GMPR2: variants seen among roughly 807,000 people sequenced by gnomAD.
The protein encoded by GMPR2 is GMP reductase 2.
Under a neutral mutation model 38.5 loss-of-function variants are expected in GMPR2, and 32 were observed. The observed-to-expected ratio is 0.83, with a 90% CI of 0.63 to 1.12. GMPR2 has a LOEUF of 1.12. Ranked by LOEUF, GMPR2 falls within the 50% of genes most tolerant of loss-of-function variation. The probability of loss-of-function intolerance (pLI) is 0.00; values close to 1 mark genes in which losing one functional copy is unlikely to be tolerated. For synonymous variants in GMPR2, 154 were observed against 151.0 expected (o/e 1.02, Z -0.15); for missense variants, 396 against 432.1 (o/e 0.92, Z 0.74).
intron 3 of GMPR2, among the ~76,000 whole-genome samples, chr14:24,234,917 A>G (rs1426012307): frequency 6.6e-6 from 1 of 152,240 alleles, no homozygotes; most frequent in Non-Finnish European, 1.5e-5. Flanking sequence ...GTTGCTAGCT[A>G]ATACATGACT....
chr14:24,238,446 C>T (rs948345295), intron 9 of GMPR2, 41 bp downstream of exon 9: 1 of 1,613,926 alleles, frequency 6.2e-7, no homozygotes, highest in Non-Finnish European at 8.5e-7. Context: ...AGTATGGAGG[C>T]AGAACTCATG....
At chr14:24,234,628 C>T (rs994199631) in intron 3 of GMPR2, among the ~76,000 whole-genome samples, 2 of 152,076 alleles carry the variant, frequency 1.3e-5, no homozygotes, top group Admixed American at 6.6e-5. Context: ...GTATTGCTGA[C>T]GAGAGGTAAA....
chr14:24,235,667 A>G (rs1471934800), intron 3 of GMPR2, 70 bp from the exon 4 acceptor site: 5 of 999,630 alleles, frequency 5.0e-6, no homozygotes, highest in Non-Finnish European at 8.1e-6. Flanking sequence ...CAGATAGAAT[A>G]GGTCTGTTTC....
chr14:24,237,489 T>G, intron 7 of GMPR2, 31 bp from the exon 8 acceptor site: 1 of 1,610,178 alleles, frequency 6.2e-7, no homozygotes, highest in Non-Finnish European at 8.5e-7. Flanking sequence ...GGGAAATCCA[T>G]GTTGTATTCA....
intron 8 of GMPR2, 157 bp downstream of exon 8, chr14:24,237,719 C>G: frequency 4.4e-6 from 3 of 683,940 alleles, no homozygotes; most frequent in African/African-American, 3.6e-5. Context: ...CTGGGGCAGC[C>G]AGCAGGGGAC....
intron 3 of GMPR2, chr14:24,235,447 T>A (rs902704179): frequency 4.5e-6 from 2 of 446,220 alleles, no homozygotes; most frequent in African/African-American, 4.0e-5. Flanking sequence ...CACCAGCAGC[T>A]TGTCACCTTT....
rs1348644114 is a variant in GMPR2 at position 24,239,041 on chromosome 14, C to T, written c.*263C>T. On this transcript the variant is annotated 3_prime_UTR_variant, in exon 10 of 10. Transcript: ENST00000399440. ...CAAATGGGAATCTGGGGACCCAACA[C>T]AACATCCTGAAGATTATTAAAAGGA... The T allele has an allele frequency of 1.8e-6, 1 of 571,156 alleles. No homozygotes were observed. Among genetic ancestry groups the T allele is most frequent in the Non-Finnish European group, 3.3e-6 (1 of 301,966 alleles). The allele number at this position is 571,156 out of a possible 1,614,324, so 35.4% of individuals were successfully genotyped here. A position where few individuals can be genotyped will look rare whatever the true frequency, so the allele number is the denominator to read the frequency against.
chr14:24,236,602 C>T (rs764638022), intron 5 of GMPR2, among the ~76,000 whole-genome samples: 19 of 152,232 alleles, frequency 1.2e-4, no homozygotes, highest in Non-Finnish European at 2.5e-4. Context: ...ACTACCATGC[C>T]TTCTCCCTTT....
In GMPR2 at chr14:24,235,967, C is replaced by T; in HGVS notation, c.292C>T (p.His98Tyr). Residue 98 changes from histidine (H) to tyrosine (Y), a missense_variant and splice_region_variant, in exon 5 of 10, where the codon CAT (histidine) becomes TAT (tyrosine). Transcript: ENST00000399440. ...FAGQNPDCLE[H>Y]LAASSGTGSS... ...GCCAATGACTCTGTTTCTCCCACAG[C>T]ATCTGGCTGCCAGCTCAGGCACAGG... 1 of 1,613,750 alleles carries T rather than the reference C, an allele frequency of 6.2e-7. No individual in the cohort carries two copies. The highest frequency in any genetic ancestry group is 8.5e-7 in the Non-Finnish European group (1 of 1,179,696).
At position 24,237,233 on chromosome 14, in the gene GMPR2, T is replaced by C. The variant is rs376196927; in HGVS notation, c.548-12T>C. On this transcript the variant is annotated splice_polypyrimidine_tract_variant and intron_variant, in intron 6 of 9. Coordinates refer to ENST00000399440, the MANE Select transcript of GMPR2 (RefSeq NM_001002002.3). ...GAGCACGTCATTCTTACCCTTATCA[T>C]GTTCTTCCTAGGCTCTGTGTGTACT... The C allele has an allele frequency of 3.1e-6, 5 of 1,587,520 alleles. No homozygotes were observed. The highest frequency in any genetic ancestry group is 4.3e-6 in the Non-Finnish European group (5 of 1,155,692).
rs367939986 is a variant in GMPR2 at position 24,237,260 on chromosome 14, C to T, written c.563C>T (p.Thr188Ile). The change falls in exon 7 of 10, where the codon ACT becomes ATT. Residue 188 changes from threonine to isoleucine, a missense_variant. By Grantham distance (89) the Thr-to-Ile change is moderately conservative. Coordinates refer to ENST00000399440, the MANE Select transcript of GMPR2 (RefSeq NM_001002002.3). ...VGIGPGSVCT[T>I]RKKTGVGYPQ... ...TTCTTCCTAGGCTCTGTGTGTACTA[C>T]TCGGAAGAAAACTGGAGTGGGGTAT... 7.3e-5 allele frequency: 118 copies of T among 1,608,618 alleles called. No homozygotes were observed. The highest frequency in any genetic ancestry group is 9.5e-5 in the Non-Finnish European group (112 of 1,175,088).
chr14:24,237,297 C>T lies in GMPR2; in HGVS notation c.600C>T (p.Ser200=), dbSNP rs777436283. The T allele has an allele frequency of 7.1e-5, 114 of 1,611,834 alleles. No homozygotes were observed. The South Asian group carries it at 7.7e-4, about 11-fold the overall frequency. The change falls in exon 7 of 10, where the codon AGC becomes AGT. Residue 200 remains serine, a synonymous_variant. Transcript: ENST00000399440. ...CTGGAGTGGGGTATCCACAGCTCAG[C>T]GCAGTGATGGAGTGTGCAGATGCTG... The part of the protein sequence containing the change: ...KKTGVGYPQL[S]AVMECADAAH...
chr14:24,236,928 G>A (rs1594531871), intron 5 of GMPR2, 143 bp from the exon 6 acceptor site: 6 of 653,274 alleles, frequency 9.2e-6, no homozygotes, highest in Admixed American at 5.6e-5. Flanking sequence ...TAGTGTAAAA[G>A]CCCTCAGAGG....
Position 24,237,518 on chromosome 14 carries a change from A to C in GMPR2, c.655-2A>C. 3 of 1,613,920 alleles carry C rather than the reference A, an allele frequency of 1.9e-6. No homozygotes were observed. The highest frequency in any genetic ancestry group is 2.5e-6 in the Non-Finnish European group (3 of 1,179,882). On this transcript the variant is annotated splice_acceptor_variant, in intron 7 of 9. Coordinates refer to ENST00000399440, the MANE Select transcript of GMPR2 (RefSeq NM_001002002.3). LOFTEE classifies it high-confidence loss of function. ...GTATTCATAGTGCTCCTTACTTTGC[A>C]GGATGGAGGTTGCAGCTGTCCTGGG...
Position 24,238,818 on chromosome 14 carries a change from C to A in GMPR2, c.*40C>A. On this transcript the variant is annotated 3_prime_UTR_variant, in exon 10 of 10. Transcript: ENST00000399440. The stretch of plus-strand genomic sequence containing the variant: ...ACCCTCCCAAGGCACCAGTACTCTA[C>A]CATGGGGCATCCCAAGTGGGGTCCT... 3.8e-6 allele frequency: 6 copies of A among 1,571,294 alleles called. No homozygotes were observed. The highest frequency in any genetic ancestry group is 5.2e-6 in the Non-Finnish European group (6 of 1,149,156).
At position 24,238,373 on chromosome 14, in the gene GMPR2, GA is replaced by G. The variant is rs2040449697; in HGVS notation, c.827del (p.Lys276ArgfsTer34). Reference sequence around the variant, plus strand: ...ATGGAATGAGTTCTGAAATGGCCATGAAGAAGTATGCTGGGGGCGTGGCTGA... The same window carrying G: ...ATGGAATGAGTTCTGAAATGGCCATGAGAAGTATGCTGGGGGCGTGGCTGA... ...FYGMSSEMAM[K>X]KYAGGVAEYR... On this transcript the variant is annotated frameshift_variant, in exon 9 of 10. Coordinates refer to ENST00000399440, the MANE Select transcript of GMPR2 (RefSeq NM_001002002.3). LOFTEE classifies it high-confidence loss of function. The G allele has an allele frequency of 1.4e-5, 23 of 1,614,128 alleles. No homozygotes were observed. The highest frequency in any genetic ancestry group is 1.9e-5 in the Non-Finnish European group (22 of 1,180,014).
chr14:24,235,442 G>A, intron 3 of GMPR2: 1 of 430,196 alleles, frequency 2.3e-6, no homozygotes, highest in Non-Finnish European at 4.2e-6. Flanking sequence ...CACTGCACCA[G>A]CAGCTTGTCA....
chr14:24,233,781 A>G (rs11158615), intron 3 of GMPR2, 183 bp downstream of exon 3: 393,757 of 674,818 alleles, frequency 0.58, 120,658 homozygotes, highest in Middle Eastern at 0.68. Context: ...GGCCATCTGA[A>G]TTAGTGAGAT....
chr14:24,233,656 G>A (rs1418664705), intron 3 of GMPR2, 58 bp downstream of exon 3: 1 of 1,587,750 alleles, frequency 6.3e-7, no homozygotes, highest in African/African-American at 1.3e-5. Context: ...GCTGACTGCA[G>A]AGGTGTTTGC....
Sources: gnomAD v4.1 joint callset for allele counts (sites outside exome capture counted in the v4.1 genomes callset) on GRCh38, gnomAD v4.1.1 for gene constraint, MANE v1.5 for transcripts, NCBI Gene and HGNC (gene_info 2026-07-23, HGNC 2026-07-21) for gene names.